Variants in PCDHA2 observed in about 807,000 individuals in gnomAD.
PCDHA2 encodes protocadherin alpha 2.
Under a neutral mutation model 66.0 loss-of-function variants are expected in PCDHA2, and 58 were observed. That is an observed-to-expected ratio of 0.88 (90% confidence interval 0.71 to 1.09). The LOEUF is 1.09. Ranked by LOEUF, PCDHA2 falls within the 50% of genes least tolerant of loss-of-function variation. The pLI, the probability that PCDHA2 is intolerant of heterozygous loss-of-function variation, is 0.00. For synonymous variants in PCDHA2, 634 were observed against 554.0 expected, an observed-to-expected ratio of 1.14 and a Z score of -2.03; for missense variants, 1,267 against 1,242.3, an observed-to-expected ratio of 1.02 and a Z score of -0.30.
At chr5:140,981,001 C>A (rs2096914160) in intron 2 of PCDHA2, among the ~76,000 whole-genome samples, 1 of 151,906 alleles carries the variant, frequency 6.6e-6, no homozygotes, top group Non-Finnish European at 1.5e-5. Flanking sequence ...CTAGTAGGAT[C>A]CAGGAACACT....
chr5:140,857,032 T>C, intron 1 of PCDHA2: 2 of 1,595,838 alleles, frequency 1.3e-6, no homozygotes, highest in Non-Finnish European at 1.7e-6. Context: ...GAAACCCACC[T>C]ATGGTTGGTC....
Position 140,841,649 on chromosome 5 carries a change from G to C in PCDHA2, c.2388+44297G>C, listed in dbSNP as rs2150320047. On this transcript the variant is annotated intron_variant, in intron 1 of 3. Transcript: ENST00000526136. ...GTGCAGCATCCACCTGGAGGTGATC[G>C]TGGACAGGCCGCTGCAGGTTTTCCA... 3.1e-6 allele frequency: 5 copies of C among 1,614,050 alleles called. No homozygotes were observed. The South Asian group carries it at 4.4e-5, about 14-fold the overall frequency.
intron 1 of PCDHA2, among the ~76,000 whole-genome samples, chr5:140,950,457 A>C (rs1392302571): frequency 6.6e-6 from 1 of 152,048 alleles, no homozygotes; most frequent in Non-Finnish European, 1.5e-5. Flanking sequence ...ACTGTCTTCT[A>C]ATGCTCATAG....
chr5:140,955,932 A>T (rs907189668), intron 1 of PCDHA2, among the ~76,000 whole-genome samples: 2 of 152,106 alleles, frequency 1.3e-5, no homozygotes, highest in Non-Finnish European at 2.9e-5. Flanking sequence ...GTTCATTCAT[A>T]ATATGGCTGT....
At chr5:140,823,022 G>C (rs2150121386) in intron 1 of PCDHA2, 1 of 1,614,234 alleles carries the variant, frequency 6.2e-7, no homozygotes, top group Non-Finnish European at 8.5e-7. Flanking sequence ...GACCGCGAGA[G>C]CGTGTCGGTC....
chr5:140,884,053 C>G (rs782043806), intron 1 of PCDHA2: 1 of 1,613,496 alleles, frequency 6.2e-7, no homozygotes, highest in Admixed American at 1.7e-5. Context: ...CGAAGGTGCG[C>G]GCGGTGGACG....
At chr5:141,002,676 T>C (rs2098090585) in intron 3 of PCDHA2, among the ~76,000 whole-genome samples, 1 of 152,196 alleles carries the variant, frequency 6.6e-6, no homozygotes, top group Non-Finnish European at 1.5e-5. Context: ...CCAAAACCTA[T>C]ACGACGTGCA....
chr5:140,891,667 A>T (rs2153435107), intron 1 of PCDHA2, among the ~76,000 whole-genome samples: 1 of 152,286 alleles, frequency 6.6e-6, no homozygotes, highest in African/African-American at 2.4e-5. Flanking sequence ...CCCACCTTAA[A>T]GTTTAATAAT....
At chr5:140,823,929 C>A (rs2150130451) in intron 1 of PCDHA2, 1 of 1,613,958 alleles carries the variant, frequency 6.2e-7, no homozygotes, top group Non-Finnish European at 8.5e-7. Flanking sequence ...TGCTGTACAC[C>A]GCGCTGCGGT....
At chr5:140,991,228 T>C (rs2097439456) in intron 3 of PCDHA2, among the ~76,000 whole-genome samples, 1 of 152,220 alleles carries the variant, frequency 6.6e-6, no homozygotes, top group African/African-American at 2.4e-5. Flanking sequence ...CATTAATAAA[T>C]GCAGTGGTAA....
In PCDHA2 at chr5:140,883,265, C is replaced by G. The variant is rs782741439; in HGVS notation, c.2388+85913C>G. 4.5e-5 allele frequency: 73 copies of G among 1,613,790 alleles called. No homozygotes were observed. The highest frequency in any genetic ancestry group is 6.0e-5 in the Non-Finnish European group (71 of 1,179,996). ...CAAAGGAAATATTCCAATGGCGGGTCATTGTACCCTTTTGGTGGAAGTACT... is the reference window on the plus strand; with the variant it reads ...CAAAGGAAATATTCCAATGGCGGGTGATTGTACCCTTTTGGTGGAAGTACT... On this transcript the variant is annotated intron_variant, in intron 1 of 3. Transcript: ENST00000526136.
At chr5:140,986,511 C>T (rs181646630) in intron 3 of PCDHA2, among the ~76,000 whole-genome samples, 76 of 152,288 alleles carry the variant, frequency 5.0e-4, no homozygotes, top group African/African-American at 1.8e-3. Context: ...AAGGACTGCC[C>T]CTGCCTGTGA....
chr5:140,978,967 G>C lies in PCDHA2; in HGVS notation c.2407G>C (p.Asp803His), dbSNP rs782109224. 1.9e-6 allele frequency: 3 copies of C among 1,614,038 alleles called. No homozygotes were observed. The highest frequency in any genetic ancestry group is 1.1e-5 in the South Asian group (1 of 91,066). The stretch of plus-strand genomic sequence containing the variant: ...TTTGCAGCCACGACAGCCCAACCCT[G>C]ACTGGCGTTACTCTGCCTCCCTGAG... ...YVGKPRQPNPDWRYSASLRAG... is the reference protein window; with the variant it reads ...YVGKPRQPNPHWRYSASLRAG... The change falls in exon 2 of 4, where the codon GAC (aspartate) becomes CAC (histidine). Residue 803 changes from aspartate to histidine, a missense_variant. Asp to His is a moderately conservative substitution (Grantham distance 81). Coordinates refer to ENST00000526136, the MANE Select transcript of PCDHA2 (RefSeq NM_018905.3).
At chr5:140,958,442 T>C (rs1554223476) in intron 1 of PCDHA2, among the ~76,000 whole-genome samples, 1 of 152,178 alleles carries the variant, frequency 6.6e-6, no homozygotes, top group Non-Finnish European at 1.5e-5. Flanking sequence ...AATTTAAAAA[T>C]ACCTTTTATT....
At chr5:140,943,275 AAAG>A (rs1197372058) in intron 1 of PCDHA2, among the ~76,000 whole-genome samples, 86 of 137,844 alleles carry the variant, frequency 6.2e-4, no homozygotes, top group African/African-American at 2.2e-3. Flanking sequence ...AAAAAAAAAA[AAAG>A]AAAGAAAGAA....
At chr5:140,808,157 G>T in intron 1 of PCDHA2, 1 of 1,614,210 alleles carries the variant, frequency 6.2e-7, no homozygotes, top group Non-Finnish European at 8.5e-7. Context: ...AGAGGGCATT[G>T]ATAAGGGACA....
intron 1 of PCDHA2, among the ~76,000 whole-genome samples, chr5:140,925,071 C>T (rs1554202476): frequency 6.8e-6 from 1 of 148,058 alleles, no homozygotes; most frequent in Non-Finnish European, 1.5e-5. Context: ...CAAAGCAACA[C>T]GCTCATCTGG....
chr5:140,851,348 A>G (rs2042033345), intron 1 of PCDHA2: 1 of 977,536 alleles, frequency 1.0e-6, no homozygotes, highest in African/African-American at 1.7e-5. Context: ...ATTTCTCTGG[A>G]TGGAGACTGT....
chr5:140,828,225 T>A (rs1554131106), intron 1 of PCDHA2: 1 of 1,613,878 alleles, frequency 6.2e-7, no homozygotes, highest in East Asian at 2.2e-5. Context: ...GGCACCTTCG[T>A]GGGCCGGATC....
Sources: allele counts gnomAD v4.1 joint callset (sites outside exome capture counted in the v4.1 genomes callset), GRCh38; gene constraint gnomAD v4.1.1; transcripts MANE v1.5; gene names NCBI Gene and HGNC (gene_info 2026-07-23, HGNC 2026-07-21).